The following AFF2 variants were observed in gnomAD, a reference collection of about 807,000 sequenced individuals.
The protein encoded by AFF2 is ALF transcription elongation factor 2, also known as AF4/FMR2 family member 2.
In AFF2, 14 loss-of-function variants were observed where a neutral mutation model predicts 76.9. The observed-to-expected ratio is 0.18, with a 90% CI of 0.12 to 0.28. The LOEUF (loss-of-function observed/expected upper bound fraction) is 0.28. Ranked by LOEUF, AFF2 falls within the 10% of genes least tolerant of loss-of-function variation. The probability of loss-of-function intolerance (pLI) is 1.00; values close to 1 mark genes in which losing one functional copy is unlikely to be tolerated. For missense variants in AFF2, 868 were observed against 1,001.1 expected (o/e 0.87, Z 1.79); for synonymous variants, 398 against 366.7 (o/e 1.09, Z -0.98).
rs782319535 is a variant in AFF2, at chrX:148,920,781, C to T, written c.1397+16523C>T. 3.6e-5 allele frequency among the ~76,000 whole-genome samples: 4 copies of T among 110,949 alleles called. No homozygotes were observed. The South Asian group carries it at 1.2e-3, about 32-fold the overall frequency. ...GGGGACATAGTTTATTGTTGTGTTTCCATAGCTTATTTGACCCTAGAAGCT... is the reference window on the plus strand; with the variant it reads ...GGGGACATAGTTTATTGTTGTGTTTTCATAGCTTATTTGACCCTAGAAGCT... On this transcript the variant is annotated intron_variant, in intron 9 of 20. Coordinates refer to ENST00000370460, the MANE Select transcript of AFF2 (RefSeq NM_002025.4).
intron 9 of AFF2, among the ~76,000 whole-genome samples, chrX:148,927,566 G>A (rs782098440): frequency 9.0e-6 from 1 of 110,671 alleles, no homozygotes; most frequent in Admixed American, 9.7e-5. Context: ...GTTTATAGAA[G>A]GAAAGTAAAG....
intron 9 of AFF2, among the ~76,000 whole-genome samples, chrX:148,948,427 A>C (rs1157051760): frequency 2.7e-5 from 3 of 112,141 alleles, no homozygotes; most frequent in Non-Finnish European, 3.8e-5. Context: ...TAAGGATTAT[A>C]ATCTTTGAAT....
At chrX:148,627,553 T>G (rs185626546) in intron 1 of AFF2, among the ~76,000 whole-genome samples, 1 of 111,763 alleles carries the variant, frequency 8.9e-6, no homozygotes, top group Non-Finnish European at 1.9e-5. Context: ...ACTTTAGAAA[T>G]GCTTATAAGA....
At chrX:148,567,497 C>G (rs1557241837) in intron 1 of AFF2, among the ~76,000 whole-genome samples, 1 of 111,790 alleles carries the variant, frequency 8.9e-6, no homozygotes, top group Admixed American at 9.5e-5. Flanking sequence ...TATGGTGACA[C>G]TGATGAGACA....
intron 20 of AFF2, among the ~76,000 whole-genome samples, chrX:148,987,819 A>C (rs1048535397): frequency 8.9e-6 from 1 of 112,061 alleles, no homozygotes; most frequent in Non-Finnish European, 1.9e-5. Flanking sequence ...ACTCACTGAC[A>C]AAGATCAACA....
chrX:148,719,154 A>T, intron 3 of AFF2: 1 of 1,146,643 alleles, frequency 8.7e-7, no homozygotes, highest in East Asian at 3.3e-5. Context: ...CAGATGTAAG[A>T]TATGCTTCAC....
Position 148,704,352 on chromosome X carries a change from T to TTA in AFF2, c.1041+41594_1041+41595dup, listed in dbSNP as rs782107357. The stretch of plus-strand genomic sequence containing the variant: ...TATATATATGTGTGTATATATATAT[T>TTA]TATATATATATGTGTGTATATATAT... On this transcript the variant is annotated intron_variant, in intron 3 of 20. Coordinates refer to ENST00000370460, the MANE Select transcript of AFF2 (RefSeq NM_002025.4). 7.5e-3 allele frequency among the ~76,000 whole-genome samples: 71 copies of TTA among 9,524 alleles called. 1 individual carries two copies. Among genetic ancestry groups the TTA allele is most frequent in the Non-Finnish European group, 0.011 (63 of 5,630 alleles). The allele number at this position is 9,524 out of a possible 115,157, so 8.3% of individuals were successfully genotyped here.
At chrX:148,784,922 C>A (rs2069796023) in intron 3 of AFF2, among the ~76,000 whole-genome samples, 1 of 111,684 alleles carries the variant, frequency 9.0e-6, no homozygotes, top group African/African-American at 3.3e-5. Flanking sequence ...AAGTGGGTGA[C>A]ACAAACAAAG....
rs1167407264 is a variant in AFF2 at position 148,500,631 on chromosome X, A to AGCCGCCGCCGCCGCCGCCGCCGCCGCC, written c.-462_-461insCGCCGCCGCCGCCGCCGCCGCCGCCGC. On this transcript the variant is annotated 5_prime_UTR_variant, in exon 1 of 21. Transcript: ENST00000370460. ...CCGCGGCCGCCGCCGCCGCCTGTGC[A>AGCCGCCGCCGCCGCCGCCGCCGCCGCC]GCCGCTGCCGCCGCCGCCGCCGCCG... 10 of 62,504 alleles carry AGCCGCCGCCGCCGCCGCCGCCGCCGCC rather than the reference A, an allele frequency of 1.6e-4. No homozygotes were observed. Among genetic ancestry groups the AGCCGCCGCCGCCGCCGCCGCCGCCGCC allele is most frequent in the African/African-American group, 3.3e-4 (6 of 18,162 alleles). 5.2% of individuals were successfully genotyped at this position (62,504 alleles called of 1,213,427 possible). A position where few individuals can be genotyped will look rare whatever the true frequency, so the allele number is the denominator to read the frequency against.
At chrX:148,984,897 TA>T (rs2124425940) in intron 19 of AFF2, among the ~76,000 whole-genome samples, 1 of 111,586 alleles carries the variant, frequency 9.0e-6, no homozygotes, top group Admixed American at 9.5e-5. Context: ...ACAGCAATTT[TA>T]TGGCAGGGCC....
intron 1 of AFF2, among the ~76,000 whole-genome samples, chrX:148,580,125 C>G (rs1046301889): frequency 9.0e-6 from 1 of 111,677 alleles, no homozygotes; most frequent in Non-Finnish European, 1.9e-5. Flanking sequence ...CAAGGTGCAT[C>G]TGTGGAACTA....
At chrX:148,937,370 G>T (rs2071786690) in intron 9 of AFF2, among the ~76,000 whole-genome samples, 1 of 111,766 alleles carries the variant, frequency 8.9e-6, no homozygotes, top group Non-Finnish European at 1.9e-5. Context: ...TACAGCTTTG[G>T]GTCATCTCTG....
intron 3 of AFF2, among the ~76,000 whole-genome samples, chrX:148,777,067 C>T (rs782393386): frequency 8.9e-6 from 1 of 112,130 alleles, no homozygotes; most frequent in South Asian, 3.7e-4. Context: ...TTTCAGTTTT[C>T]TGCATATGGC....
intron 8 of AFF2, among the ~76,000 whole-genome samples, chrX:148,903,975 C>G (rs1232535197): frequency 1.8e-5 from 2 of 111,472 alleles, no homozygotes; most frequent in Non-Finnish European, 3.8e-5. Context: ...ACTTTCTAGG[C>G]AGCCCTCACA....
intron 9 of AFF2, among the ~76,000 whole-genome samples, chrX:148,934,138 A>G (rs2071745667): frequency 8.9e-6 from 1 of 112,876 alleles, no homozygotes; most frequent in African/African-American, 3.2e-5. Flanking sequence ...AATCAGTCAA[A>G]TACCTGGTTT....
At chrX:148,637,644 C>G (rs142270509) in intron 1 of AFF2, among the ~76,000 whole-genome samples, 2,751 of 111,806 alleles carry the variant, frequency 0.025, 94 homozygotes, top group African/African-American at 0.083. Context: ...TATTTTTACT[C>G]AATGTATGCA....
At chrX:148,973,757 A>G (rs1465665321) in intron 16 of AFF2, 150 bp downstream of exon 16, 2 of 562,954 alleles carry the variant, frequency 3.6e-6, no homozygotes, top group Non-Finnish European at 2.6e-6. Flanking sequence ...CATTTTATTA[A>G]TATCATGGAA....
At chrX:148,610,231 CT>C (rs1249641233) in intron 1 of AFF2, among the ~76,000 whole-genome samples, 4 of 111,051 alleles carry the variant, frequency 3.6e-5, no homozygotes, top group African/African-American at 1.3e-4. Flanking sequence ...ATAATTCTAA[CT>C]GTAAATGACT....
At chrX:148,868,672 A>G (rs1417517448) in intron 7 of AFF2, among the ~76,000 whole-genome samples, 1 of 112,504 alleles carries the variant, frequency 8.9e-6, no homozygotes, top group African/African-American at 3.2e-5. Context: ...GTAGTTTATA[A>G]AGAAGAGAAA....
Sources: allele counts gnomAD v4.1 joint callset (sites outside exome capture counted in the v4.1 genomes callset), GRCh38; gene constraint gnomAD v4.1.1; transcripts MANE v1.5; gene names NCBI Gene and HGNC (gene_info 2026-07-23, HGNC 2026-07-21).